The following MCTP2 variants were observed in gnomAD, a reference collection of about 807,000 sequenced individuals.
The protein encoded by MCTP2 is multiple C2 and transmembrane domain-containing protein 2.
A neutral mutation model predicts 111.6 loss-of-function variants in MCTP2; 132 were observed. The observed-to-expected ratio is 1.18, with a 90% confidence interval of 1.03 to 1.37. The LOEUF (loss-of-function observed/expected upper bound fraction) is 1.37, where lower values mean the gene tolerates loss of function less well. MCTP2 is among the 40% of genes most tolerant of loss of function. The pLI is 0.00. For missense variants in MCTP2, 1,183 were observed against 1,067.9 expected (o/e 1.11, Z -1.50); for synonymous variants, 395 against 387.7 (o/e 1.02, Z -0.22).
rs2071989373 is a variant in MCTP2, at chr15:94,246,168, ATAT to A, written c.-66+14507_-66+14509del. Among the ~76,000 whole-genome samples the A allele has an allele frequency of 2.0e-5, 3 of 152,106 alleles. No individual in the cohort carries two copies. The South Asian group carries it at 6.2e-4, about 32-fold the overall frequency. The stretch of plus-strand genomic sequence containing the variant: ...TGAAGGACCCTTTGCAATGCTACAC[ATAT>A]TAGGAATGGACACTGAAACCGTCAC... On this transcript the variant is annotated intron_variant, in intron 1 of 22. Coordinates refer to ENST00000357742, the MANE Select transcript of MCTP2 (RefSeq NM_001385001.1).
chr15:94,289,612 G>A (rs1004225225), intron 1 of MCTP2, among the ~76,000 whole-genome samples: 2 of 152,160 alleles, frequency 1.3e-5, no homozygotes, highest in Non-Finnish European at 2.9e-5. Context: ...ATTTTCTCTT[G>A]AAATTAAGTA....
intron 17 of MCTP2, among the ~76,000 whole-genome samples, chr15:94,413,609 T>G (rs2082253105): frequency 6.6e-6 from 1 of 151,828 alleles, no homozygotes; most frequent in African/African-American, 2.4e-5. Flanking sequence ...GAGACATTCC[T>G]TCATATCATA....
In MCTP2 at chr15:94,245,702, A is replaced by ATG. The variant is rs1375033847; in HGVS notation, c.-66+14052_-66+14053dup. Among the ~76,000 whole-genome samples, 1,358 of 142,086 alleles carry ATG rather than the reference A, an allele frequency of 9.6e-3. 7 individuals carry two copies. The highest frequency in any genetic ancestry group is 0.021 in the African/African-American group (813 of 38,950). The allele number at this position is 142,086 out of a possible 152,430, so 93.2% of individuals were successfully genotyped here. On this transcript the variant is annotated intron_variant, in intron 1 of 22. Transcript: ENST00000357742. ...TGTATGTGTATACATATATAAATAT[A>ATG]TGTGTGTGTGTGTGTATATATATAT...
chr15:94,373,172 A>C lies in MCTP2; in HGVS notation c.1582+2992A>C, dbSNP rs1161648271. On this transcript the variant is annotated intron_variant, in intron 12 of 22. Coordinates refer to ENST00000357742, the MANE Select transcript of MCTP2 (RefSeq NM_001385001.1). ...CTCTTTTCGAATAACCATTAGAAAAAGAAAATATAGGTCATTCAAGCCACG... is the reference window on the plus strand; with the variant it reads ...CTCTTTTCGAATAACCATTAGAAAACGAAAATATAGGTCATTCAAGCCACG... Among the ~76,000 whole-genome samples, 3 of 152,342 alleles carry C rather than the reference A, an allele frequency of 2.0e-5. No individual in the cohort carries two copies. The East Asian group carries it at 5.8e-4, about 29-fold the overall frequency.
chr15:94,367,925 C>A (rs1370052719), intron 11 of MCTP2, 134 bp downstream of exon 11: 7 of 745,626 alleles, frequency 9.4e-6, no homozygotes, highest in Non-Finnish European at 1.4e-5. Flanking sequence ...CCTTGTACGT[C>A]ATAAAACAAG....
At chr15:94,386,700 GT>G (rs769041198) in intron 14 of MCTP2, among the ~76,000 whole-genome samples, 5 of 152,086 alleles carry the variant, frequency 3.3e-5, no homozygotes, top group Non-Finnish European at 5.9e-5. Flanking sequence ...TAACCAGAAT[GT>G]GGGGGACACT....
chr15:94,431,294 G>A (rs902117507), intron 17 of MCTP2, among the ~76,000 whole-genome samples: 1 of 152,154 alleles, frequency 6.6e-6, no homozygotes, highest in Non-Finnish European at 1.5e-5. Flanking sequence ...TGAGAGAAAG[G>A]TATGTTCAAA....
At chr15:94,454,666 A>G (rs1016626157) in intron 19 of MCTP2, among the ~76,000 whole-genome samples, 7 of 151,484 alleles carry the variant, frequency 4.6e-5, no homozygotes, top group African/African-American at 1.5e-4. Context: ...ATGTTTTATG[A>G]CTGAAGTACT....
At chr15:94,253,589 A>G (rs1047557376) in intron 1 of MCTP2, among the ~76,000 whole-genome samples, 1 of 152,150 alleles carries the variant, frequency 6.6e-6, no homozygotes, top group African/African-American at 2.4e-5. Context: ...AGATCACACA[A>G]CACTGTTGGA....
rs920747539 is a variant in MCTP2, at chr15:94,391,571, C to T, written c.1788+6046C>T. Among the ~76,000 whole-genome samples, 8 of 152,130 alleles carry T rather than the reference C, an allele frequency of 5.3e-5. No homozygotes were observed. The East Asian group carries it at 9.6e-4, about 18-fold the overall frequency. ...CACCTGGGAAATTATTTGATAAACA[C>T]AAAACTTGAGTCCCAAGTGGGGCGA... On this transcript the variant is annotated intron_variant, in intron 14 of 22. Transcript: ENST00000357742.
chr15:94,280,178 C>T (rs1344582080), intron 1 of MCTP2, among the ~76,000 whole-genome samples: 1 of 152,122 alleles, frequency 6.6e-6, no homozygotes. Flanking sequence ...ACCAGCCCTT[C>T]CTTATGCATC....
At chr15:94,467,614 TTTTC>T (rs902128516) in intron 20 of MCTP2, among the ~76,000 whole-genome samples, 27 of 152,270 alleles carry the variant, frequency 1.8e-4, no homozygotes, top group African/African-American at 5.8e-4. Flanking sequence ...CTAATTAATT[TTTTC>T]TTTATTTCGA....
intron 20 of MCTP2, among the ~76,000 whole-genome samples, chr15:94,468,030 C>T (rs998661837): frequency 6.6e-6 from 1 of 152,136 alleles, no homozygotes; most frequent in Non-Finnish European, 1.5e-5. Context: ...CAAGGAAAAA[C>T]TGATAAATTT....
At chr15:94,251,355 C>T (rs8030512) in intron 1 of MCTP2, among the ~76,000 whole-genome samples, 77,608 of 151,368 alleles carry the variant, frequency 0.51, 20,077 homozygotes, top group Middle Eastern at 0.59. Context: ...TAACCTAATA[C>T]GCATTTTGTT....
At chr15:94,336,676 C>CGT (rs1555454763) in intron 4 of MCTP2, among the ~76,000 whole-genome samples, 3 of 146,666 alleles carry the variant, frequency 2.0e-5, no homozygotes, top group African/African-American at 7.6e-5. Flanking sequence ...TTTTGCTTAG[C>CGT]ATATATATAT....
intron 8 of MCTP2, among the ~76,000 whole-genome samples, chr15:94,354,174 T>C (rs2078475560): frequency 6.6e-6 from 1 of 152,146 alleles, no homozygotes; most frequent in Admixed American, 6.5e-5. Context: ...GGATAGTTCT[T>C]TCTTTTTAAA....
At chr15:94,330,658 T>C (rs1244280753) in intron 4 of MCTP2, among the ~76,000 whole-genome samples, 1 of 152,172 alleles carries the variant, frequency 6.6e-6, no homozygotes, top group Non-Finnish European at 1.5e-5. Context: ...GGGACAACCA[T>C]GTATGAGGTT....
intron 21 of MCTP2, among the ~76,000 whole-genome samples, chr15:94,475,509 G>A (rs765145593): frequency 2.0e-5 from 3 of 152,078 alleles, no homozygotes; most frequent in Non-Finnish European, 4.4e-5. Flanking sequence ...TGTGTGTTGG[G>A]GACTACTGAA....
Position 94,483,775 on chromosome 15 carries a change from AAAT to A in MCTP2, c.*4745_*4747del, listed in dbSNP as rs1248027334. 1 of 152,172 alleles carries A rather than the reference AAAT, an allele frequency of 6.6e-6. No individual in the cohort carries two copies. The highest frequency in any genetic ancestry group is 1.5e-5 in the Non-Finnish European group (1 of 68,018). The allele number at this position is 152,172 out of a possible 1,614,324, so 9.4% of individuals were successfully genotyped here. A position where few individuals can be genotyped will look rare whatever the true frequency, so the allele number is the denominator to read the frequency against. ...TACCAGGCTTAATACATGGGCGATG[AAAT>A]AATCTGTATGACAAGCCTCTCTGAC... On this transcript the variant is annotated 3_prime_UTR_variant, in exon 23 of 23. Transcript: ENST00000357742.
Sources: gnomAD v4.1 joint callset for allele counts (sites outside exome capture counted in the v4.1 genomes callset) on GRCh38, gnomAD v4.1.1 for gene constraint, MANE v1.5 for transcripts, NCBI Gene and HGNC (gene_info 2026-07-23, HGNC 2026-07-21) for gene names.